The following HSPA4L variants were observed in gnomAD, a reference collection of about 807,000 sequenced individuals.
HSPA4L encodes heat shock 70 kDa protein 4L.
HSPA4L carries 48 observed loss-of-function variants against 100.3 expected under a neutral mutation model. That is an observed-to-expected ratio of 0.48 (90% CI 0.38 to 0.61). The LOEUF (loss-of-function observed/expected upper bound fraction) is 0.61, where lower values mean the gene tolerates loss of function less well. HSPA4L is among the 20% of genes least tolerant of loss of function. The probability of loss-of-function intolerance (pLI) is 0.00; values close to 1 mark genes in which losing one functional copy is unlikely to be tolerated. For synonymous variants in HSPA4L, 319 were observed against 328.2 expected, an observed-to-expected ratio of 0.97 and a Z score of 0.30; for missense variants, 886 against 988.6, an observed-to-expected ratio of 0.90 and a Z score of 1.39.
intron 12 of HSPA4L, among the ~76,000 whole-genome samples, chr4:127,817,348 CA>C (rs58555235): frequency 0.038 from 5,477 of 143,522 alleles, 311 homozygotes; most frequent in East Asian, 0.27. Context: ...CTTTTAACTA[CA>C]AAAAAAAAAA....
Position 127,808,787 on chromosome 4 carries a change from G to C in HSPA4L, c.1378+658G>C, listed in dbSNP as rs566181079. On this transcript the variant is annotated intron_variant, in intron 11 of 18. Transcript: ENST00000296464. ...GCTGTGCAAAAATTAGCTGGGTGTG[G>C]TGGCACACACTTGTAATCTCAGCTA... 2.6e-5 allele frequency among the ~76,000 whole-genome samples: 4 copies of C among 152,204 alleles called. No individual in the cohort carries two copies. The South Asian group carries it at 8.3e-4, about 32-fold the overall frequency.
intron 11 of HSPA4L, among the ~76,000 whole-genome samples, chr4:127,810,041 A>C (rs1267420381): frequency 1.3e-5 from 2 of 152,192 alleles, no homozygotes; most frequent in African/African-American, 4.8e-5. Flanking sequence ...ACCAGTCTTA[A>C]CCATCTTCTA....
In HSPA4L at chr4:127,837,885, C is replaced by T. The variant is rs1311513256; in HGVS notation, c.*5011C>T. 6.6e-6 allele frequency: 1 copy of T among 152,028 alleles called. No homozygotes were observed. The highest frequency in any genetic ancestry group is 1.5e-5 in the Non-Finnish European group (1 of 67,986). The allele number at this position is 152,028 out of a possible 1,614,324, so 9.4% of individuals were successfully genotyped here. A position where few individuals can be genotyped will look rare whatever the true frequency, so the allele number is the denominator to read the frequency against. ...CAATCTCTGCTCACTGCAACCTCCA[C>T]CTCCTGGGCTCAAGCCTCAAGCAAT... On this transcript the variant is annotated 3_prime_UTR_variant, in exon 19 of 19. Transcript: ENST00000296464.
At chr4:127,794,734 G>A (rs1418335884) in intron 2 of HSPA4L, among the ~76,000 whole-genome samples, 1 of 151,910 alleles carries the variant, frequency 6.6e-6, no homozygotes, top group Admixed American at 6.6e-5. Context: ...CTCATATTCT[G>A]GCTGACCTTC....
chr4:127,811,702 C>T, intron 12 of HSPA4L, 66 bp downstream of exon 12: 1 of 1,193,332 alleles, frequency 8.4e-7, no homozygotes, highest in South Asian at 1.4e-5. Flanking sequence ...TTAATCATAA[C>T]TGGGACTTTA....
At chr4:127,822,937 G>T (rs1371035925) in intron 15 of HSPA4L, 43 bp downstream of exon 15, 1 of 1,575,748 alleles carries the variant, frequency 6.3e-7, no homozygotes, top group South Asian at 1.1e-5. Flanking sequence ...ACTATTTAAA[G>T]GTTTACTCGA....
intron 16 of HSPA4L, among the ~76,000 whole-genome samples, chr4:127,825,100 A>G (rs1733915906): frequency 6.6e-6 from 1 of 151,888 alleles, no homozygotes; most frequent in Non-Finnish European, 1.5e-5. Flanking sequence ...AGATTGCGCC[A>G]CTGCACTCCA....
At chr4:127,790,921 C>CT (rs1223680163) in intron 1 of HSPA4L, among the ~76,000 whole-genome samples, 1 of 152,128 alleles carries the variant, frequency 6.6e-6, no homozygotes, top group African/African-American at 2.4e-5. Context: ...GCCTAGGAGA[C>CT]TAGCCTGGGC....
rs1001458756 is a variant in HSPA4L at position 127,820,188 on chromosome 4, C to T, written c.1675-240C>T. ...TTATTTTATATTTTTTAATTGTAGC[C>T]ACTGTAATGGGTGAGAAGTAGCTAC... On this transcript the variant is annotated intron_variant, in intron 13 of 18. Coordinates refer to ENST00000296464, the MANE Select transcript of HSPA4L (RefSeq NM_014278.4). 2.0e-5 allele frequency among the ~76,000 whole-genome samples: 3 copies of T among 151,954 alleles called. No homozygotes were observed. The South Asian group carries it at 6.2e-4, about 32-fold the overall frequency.
chr4:127,801,109 T>G, intron 4 of HSPA4L, 29 bp from the exon 5 acceptor site: 2 of 1,502,158 alleles, frequency 1.3e-6, no homozygotes, highest in African/African-American at 1.4e-5. Flanking sequence ...CATAAAACAT[T>G]ATACTTAACT....
intron 13 of HSPA4L, among the ~76,000 whole-genome samples, chr4:127,819,238 A>G (rs1378143940): frequency 1.3e-5 from 2 of 152,172 alleles, no homozygotes; most frequent in Admixed American, 1.3e-4. Context: ...TATTTTTCTA[A>G]GATAGTGATT....
At chr4:127,830,481 T>A (rs1280730584) in intron 17 of HSPA4L, among the ~76,000 whole-genome samples, 157 bp from the exon 18 acceptor site, 2 of 152,228 alleles carry the variant, frequency 1.3e-5, no homozygotes, top group Non-Finnish European at 1.5e-5. Context: ...TATCCCATTC[T>A]CTTCAGTTCT....
At chr4:127,806,438 T>TA in intron 10 of HSPA4L, among the ~76,000 whole-genome samples, 1 of 152,154 alleles carries the variant, frequency 6.6e-6, no homozygotes, top group South Asian at 2.1e-4. Flanking sequence ...AATATGCACA[T>TA]TATTTTGAGT....
At position 127,798,743 on chromosome 4, in the gene HSPA4L, T is replaced by C. The variant is rs761328113; in HGVS notation, c.429+34T>C. ...TACTTCAGTAATGAATACCCTTGAA[T>C]TATATTTTACAGTGTATTAATGTAA... On this transcript the variant is annotated intron_variant, in intron 4 of 18. Coordinates refer to ENST00000296464, the MANE Select transcript of HSPA4L (RefSeq NM_014278.4). 1.3e-5 allele frequency: 21 copies of C among 1,601,332 alleles called. No individual in the cohort carries two copies. In the Middle Eastern group the frequency reaches 8.3e-4, roughly 63 times the overall value.
At chr4:127,814,191 C>A (rs1050260196) in intron 12 of HSPA4L, among the ~76,000 whole-genome samples, 1 of 152,148 alleles carries the variant, frequency 6.6e-6, no homozygotes, top group Non-Finnish European at 1.5e-5. Flanking sequence ...TTTATGGCAT[C>A]TGCTTTGGTT....
In HSPA4L at chr4:127,834,702, A is replaced by G. The variant is rs1380195724; in HGVS notation, c.*1828A>G. On this transcript the variant is annotated 3_prime_UTR_variant, in exon 19 of 19. Coordinates refer to ENST00000296464, the MANE Select transcript of HSPA4L (RefSeq NM_014278.4). ...AAGCATGAAGATAATGAAAGCAAATATGTAACAATACAAGTAGGGACTTTA... is the reference window on the plus strand; with the variant it reads ...AAGCATGAAGATAATGAAAGCAAATGTGTAACAATACAAGTAGGGACTTTA... 1.3e-5 allele frequency: 2 copies of G among 152,214 alleles called. No individual in the cohort carries two copies. Among genetic ancestry groups the G allele is most frequent in the Admixed American group, 6.5e-5 (1 of 15,284 alleles). 9.4% of individuals were successfully genotyped at this position (152,214 alleles called of 1,614,324 possible).
chr4:127,836,806 C>CTGT lies in HSPA4L; in HGVS notation c.*3934_*3936dup, dbSNP rs1734222158. Reference sequence around the variant, plus strand: ...AATAAGCCTCTCCCATTAGGATTTTCTGTTTTATAGTAAATAGTTGGTATT... The same window carrying CTGT: ...AATAAGCCTCTCCCATTAGGATTTTCTGTTGTTTTATAGTAAATAGTTGGTATT... On this transcript the variant is annotated 3_prime_UTR_variant, in exon 19 of 19. Coordinates refer to ENST00000296464, the MANE Select transcript of HSPA4L (RefSeq NM_014278.4). The CTGT allele has an allele frequency of 1.3e-5, 2 of 152,048 alleles. No homozygotes were observed. Among genetic ancestry groups the CTGT allele is most frequent in the South Asian group, 4.1e-4 (2 of 4,828 alleles). 9.4% of individuals were successfully genotyped at this position (152,048 alleles called of 1,614,324 possible).
chr4:127,817,078 T>A (rs916595737), intron 12 of HSPA4L, among the ~76,000 whole-genome samples: 9 of 152,178 alleles, frequency 5.9e-5, no homozygotes, highest in African/African-American at 1.4e-4. Flanking sequence ...GATTTTTTTT[T>A]AATTTGAGAC....
At chr4:127,820,943 C>T (rs766306247) in intron 14 of HSPA4L, among the ~76,000 whole-genome samples, 10 of 152,074 alleles carry the variant, frequency 6.6e-5, no homozygotes, top group Admixed American at 2.0e-4. Flanking sequence ...TTCTGACATC[C>T]ATTAAATATT....
Sources: gnomAD v4.1 joint callset for allele counts (sites outside exome capture counted in the v4.1 genomes callset) on GRCh38, gnomAD v4.1.1 for gene constraint, MANE v1.5 for transcripts, NCBI Gene and HGNC (gene_info 2026-07-23, HGNC 2026-07-21) for gene names.